CALN1: variants seen among roughly 807,000 people sequenced by gnomAD.
The protein encoded by CALN1 is calneuron 1.
A neutral mutation model predicts 30.6 loss-of-function variants in CALN1; 17 were observed. That is an observed-to-expected ratio of 0.56 (90% CI 0.38 to 0.83). CALN1 has a LOEUF of 0.83. CALN1 is among the 40% of genes least tolerant of loss of function. The pLI, the probability that CALN1 is intolerant of heterozygous loss-of-function variation, is 0.00. For synonymous variants in CALN1, 156 were observed against 131.4 expected (o/e 1.19, Z -1.28); for missense variants, 291 against 354.9 (o/e 0.82, Z 1.45).
intron 2 of CALN1, among the ~76,000 whole-genome samples, chr7:72,346,490 T>G (rs1186788606): frequency 6.6e-6 from 1 of 152,218 alleles, no homozygotes; most frequent in Non-Finnish European, 1.5e-5. Context: ...TAATTTTTAA[T>G]TTGATCTCCA....
chr7:72,127,100 TC>T (rs1285514234), intron 3 of CALN1, among the ~76,000 whole-genome samples: 14 of 151,714 alleles, frequency 9.2e-5, no homozygotes, highest in African/African-American at 3.1e-4. Flanking sequence ...AATCATTCCA[TC>T]CAGCAGATTG....
Position 71,787,893 on chromosome 7 carries a change from T to C in CALN1, c.668A>G (p.Gln223Arg). Reference sequence around the variant, plus strand: ...GACGCAGGTCTGTCTGTTCTGCTTCTGGGAATGCACTGGTGGTGGGAGAAG... The same window carrying C: ...GACGCAGGTCTGTCTGTTCTGCTTCCGGGAATGCACTGGTGGTGGGAGAAG... ...CQTEFEGVHS[Q>R]KQNRQTCVRK... Residue 223 changes from glutamine to arginine, a missense_variant, in exon 7 of 7, where the codon CAG becomes CGG. This residue lies in a region of CALN1 where 169 missense variants were observed against 251.7 expected (regional missense o/e 0.67). Coordinates refer to ENST00000395275, the MANE Select transcript of CALN1 (RefSeq NM_031468.4). The C allele has an allele frequency of 6.2e-7, 1 of 1,614,010 alleles. No individual in the cohort carries two copies. Among genetic ancestry groups the C allele is most frequent in the Middle Eastern group, 1.7e-4 (1 of 6,060 alleles).
chr7:71,856,381 AGGGC>A (rs1462322080), intron 5 of CALN1, among the ~76,000 whole-genome samples: 3 of 152,050 alleles, frequency 2.0e-5, no homozygotes, highest in Non-Finnish European at 1.5e-5. Flanking sequence ...CTTGACCTCC[AGGGC>A]TCAAGCAATC....
Position 72,057,722 on chromosome 7 carries a change from A to G in CALN1, c.389-33953T>C, listed in dbSNP as rs888613678. Among the ~76,000 whole-genome samples, 10 of 92,406 alleles carry G rather than the reference A, an allele frequency of 1.1e-4. 1 individual carries two copies. In the South Asian group the frequency reaches 2.4e-3, roughly 22 times the overall value. The allele number at this position is 92,406 out of a possible 152,430, so 60.6% of individuals were successfully genotyped here. A position where few individuals can be genotyped will look rare whatever the true frequency, so the allele number is the denominator to read the frequency against. On this transcript the variant is annotated intron_variant, in intron 4 of 6. Coordinates refer to ENST00000395275, the MANE Select transcript of CALN1 (RefSeq NM_031468.4). ...TAATGAGTGTAGAAGACTTATTGGG[A>G]AAAAAAAACCTCTTCATAATAAAAT...
intron 3 of CALN1, among the ~76,000 whole-genome samples, chr7:72,191,325 G>A (rs1790584077): frequency 1.3e-5 from 2 of 152,142 alleles, no homozygotes; most frequent in South Asian, 4.1e-4. Flanking sequence ...GAGGAGGCCA[G>A]CCATGGTGGC....
intron 3 of CALN1, among the ~76,000 whole-genome samples, chr7:72,133,293 C>A (rs941539857): frequency 2.0e-5 from 3 of 152,066 alleles, no homozygotes; most frequent in African/African-American, 2.4e-5. Context: ...TGAGATTATG[C>A]CAAAAGGATT....
chr7:72,400,203 C>T (rs1806243951), intron 2 of CALN1, among the ~76,000 whole-genome samples: 1 of 152,232 alleles, frequency 6.6e-6, no homozygotes, highest in East Asian at 1.9e-4. Flanking sequence ...ATCTTCTGTC[C>T]ACCCATTTAT....
chr7:71,872,086 T>C (rs1791969241), intron 5 of CALN1, among the ~76,000 whole-genome samples: 1 of 152,250 alleles, frequency 6.6e-6, no homozygotes, highest in Non-Finnish European at 1.5e-5. Flanking sequence ...TAAATAACCA[T>C]ATGTAGCTCA....
At chr7:72,439,365 G>A (rs1808275028) in intron 1 of CALN1, among the ~76,000 whole-genome samples, 2 of 151,998 alleles carry the variant, frequency 1.3e-5, no homozygotes, top group Admixed American at 6.6e-5. Context: ...AAACTTGACT[G>A]CTAATAGCCT....
At chr7:71,970,454 A>G (rs922555394) in intron 5 of CALN1, among the ~76,000 whole-genome samples, 6 of 152,180 alleles carry the variant, frequency 3.9e-5, no homozygotes, top group Non-Finnish European at 8.8e-5. Context: ...ATCCCAGCAT[A>G]TTTGACCAAG....
chr7:72,329,018 A>C (rs1801479433), intron 2 of CALN1, among the ~76,000 whole-genome samples: 1 of 152,256 alleles, frequency 6.6e-6, no homozygotes, highest in Non-Finnish European at 1.5e-5. Flanking sequence ...TTTTAAAACA[A>C]ACATTTTTCC....
At chr7:71,897,965 CAAAAAACAA>C (rs1347091804) in intron 5 of CALN1, among the ~76,000 whole-genome samples, 47 of 55,144 alleles carry the variant, frequency 8.5e-4, no homozygotes, top group Middle Eastern at 0.021. Flanking sequence ...TGGAAAAAAA[CAAAAAACAA>C]AAAAAAAAAA....
intron 5 of CALN1, among the ~76,000 whole-genome samples, chr7:71,958,163 G>A (rs1210405516): frequency 1.3e-5 from 2 of 151,760 alleles, no homozygotes; most frequent in African/African-American, 4.8e-5. Context: ...ATTCCATCAT[G>A]GTGAAGTCTG....
intron 5 of CALN1, among the ~76,000 whole-genome samples, chr7:71,976,809 G>T (rs1465704011): frequency 6.6e-6 from 1 of 152,182 alleles, no homozygotes; most frequent in Non-Finnish European, 1.5e-5. Context: ...ATGGCTGGCT[G>T]GAGTTTGCAC....
At chr7:72,338,889 A>T (rs1189708973) in intron 2 of CALN1, among the ~76,000 whole-genome samples, 5 of 151,236 alleles carry the variant, frequency 3.3e-5, no homozygotes, top group Non-Finnish European at 7.4e-5. Context: ...AATAGGTCTT[A>T]TTCATTCTAA....
At chr7:72,022,432 G>C (rs1800757597) in intron 5 of CALN1, among the ~76,000 whole-genome samples, 1 of 152,150 alleles carries the variant, frequency 6.6e-6, no homozygotes, top group South Asian at 2.1e-4. Context: ...TTGCTCTGTT[G>C]CCCATGCTAG....
At chr7:71,908,208 C>A (rs1162168224) in intron 5 of CALN1, among the ~76,000 whole-genome samples, 1 of 152,152 alleles carries the variant, frequency 6.6e-6, no homozygotes, top group Non-Finnish European at 1.5e-5. Context: ...CAGGCCTCCA[C>A]CCAAAGTCAA....
chr7:71,900,779 G>A (rs1171701142), intron 5 of CALN1, among the ~76,000 whole-genome samples: 1 of 152,168 alleles, frequency 6.6e-6, no homozygotes, highest in African/African-American at 2.4e-5. Flanking sequence ...TACTGGCAAA[G>A]GACTGTGTCG....
chr7:72,053,788 C>A (rs553540168), intron 4 of CALN1, among the ~76,000 whole-genome samples: 3 of 151,314 alleles, frequency 2.0e-5, no homozygotes, highest in Non-Finnish European at 4.4e-5. Context: ...CCCTCACCCC[C>A]CTCCCACCCT....
Sources: gnomAD v4.1 joint callset for allele counts (sites outside exome capture counted in the v4.1 genomes callset) on GRCh38, gnomAD v4.1.1 for gene constraint, gnomAD v4.1.1 regional missense constraint, MANE v1.5 for transcripts, NCBI Gene and HGNC (gene_info 2026-07-23, HGNC 2026-07-21) for gene names.